The following TRIM67 variants were observed in gnomAD, a reference collection of about 807,000 sequenced individuals.
TRIM67 encodes tripartite motif-containing protein 67.
Under a neutral mutation model 71.0 loss-of-function variants are expected in TRIM67, and 39 were observed. The ratio of observed to expected loss-of-function variants is 0.55; its 90% CI spans 0.43 to 0.72. The LOEUF is 0.72. Among genes scored for constraint, TRIM67 ranks in the 30% least tolerant of loss-of-function variants. The pLI, the probability that TRIM67 is intolerant of heterozygous loss-of-function variation, is 0.00. For synonymous variants in TRIM67, 481 were observed against 473.9 expected (o/e 1.01, Z -0.19); for missense variants, 973 against 1,079.2 (o/e 0.90, Z 1.38).
In TRIM67 at chr1:231,203,916, C is replaced by G. The variant is rs768806641; in HGVS notation, c.1584C>G (p.Asn528Lys). 6 of 1,613,974 alleles carry G rather than the reference C, an allele frequency of 3.7e-6. No individual in the cohort carries two copies. Among genetic ancestry groups the G allele is most frequent in the Non-Finnish European group, 5.1e-6 (6 of 1,179,870 alleles). The change falls in exon 6 of 10, where the codon AAC becomes AAG. Residue 528 changes from asparagine to lysine, a missense_variant. Physicochemically the swap from Asn to Lys is moderately conservative, Grantham distance 94 (BLOSUM62 0). Around this residue, in one of 2 missense-constraint regions of TRIM67, gnomAD observed 795 missense variants for 831.3 expected, o/e 0.96. Transcript: ENST00000366653. The part of the protein sequence containing the change: ...LQLEKCCTRN[N>K]SVTLAWRMPP... ...TGGAGAAATGCTGCACCCGTAACAA[C>G]AGCGTCACGCTGGCCTGGAGGATGC...
At chr1:231,208,909 T>C in intron 7 of TRIM67, 38 bp from the exon 8 acceptor site, 3 of 1,519,762 alleles carry the variant, frequency 2.0e-6, no homozygotes, top group Non-Finnish European at 2.7e-6. Context: ...GCAAATTCCA[T>C]CCCCTGACCC....
intron 1 of TRIM67, among the ~76,000 whole-genome samples, chr1:231,175,363 G>T (rs1017897504): frequency 6.6e-6 from 1 of 152,356 alleles, no homozygotes; most frequent in Non-Finnish European, 1.5e-5. Flanking sequence ...ATCTCAGGAA[G>T]TGTGAGAGGT....
At chr1:231,196,484 G>A (rs574373422) in intron 1 of TRIM67, among the ~76,000 whole-genome samples, 4 of 151,820 alleles carry the variant, frequency 2.6e-5, no homozygotes, top group African/African-American at 9.7e-5. Flanking sequence ...GCTGATTTGG[G>A]AGGATCACTT....
intron 1 of TRIM67, among the ~76,000 whole-genome samples, chr1:231,173,333 G>A (rs1169003954): frequency 6.6e-6 from 1 of 152,200 alleles, no homozygotes; most frequent in African/African-American, 2.4e-5. Context: ...GATTTCTTGA[G>A]GCCAGGGGTT....
Position 231,200,229 on chromosome 1 carries a change from AAGG to A in TRIM67, c.1348_1350del (p.Glu450del), listed in dbSNP as rs1227102974. On this transcript the variant is annotated inframe_deletion, in exon 4 of 10. Coordinates refer to ENST00000366653, the MANE Select transcript of TRIM67 (RefSeq NM_001004342.5). ...GATGGAGTACTGCCTGGAGGTGATC[AAGG>A]AGAACGACCCCTCCGGGTTCTTACA... 1.9e-6 allele frequency: 3 copies of A among 1,613,750 alleles called. No individual in the cohort carries two copies. The Admixed American group carries it at 5.0e-5, about 27-fold the overall frequency.
In TRIM67 at chr1:231,163,382, C is replaced by T. The variant is rs1294584068; in HGVS notation, c.413C>T (p.Ser138Leu). 2 of 1,534,760 alleles carry T rather than the reference C, an allele frequency of 1.3e-6. No individual in the cohort carries two copies. Among genetic ancestry groups the T allele is most frequent in the African/African-American group, 2.8e-5 (2 of 70,824 alleles). ...LPMVPAPPGS[S>L]AAAARGAACS... ...ATGGTGCCCGCACCACCCGGCTCCT[C>T]GGCTGCGGCGGCTCGGGGTGCCGCC... is the stretch of plus-strand genomic sequence containing the variant. Residue 138 changes from serine to leucine, a missense_variant, in exon 1 of 10, where the codon TCG becomes TTG. Transcript: ENST00000366653.
intron 2 of TRIM67, among the ~76,000 whole-genome samples, chr1:231,198,139 C>T (rs1355986108): frequency 6.6e-6 from 1 of 152,140 alleles, no homozygotes; most frequent in Non-Finnish European, 1.5e-5. Flanking sequence ...GCCGAATATG[C>T]CCATGTCATC....
At chr1:231,166,816 C>G (rs1337722555) in intron 1 of TRIM67, among the ~76,000 whole-genome samples, 1 of 152,186 alleles carries the variant, frequency 6.6e-6, no homozygotes, top group African/African-American at 2.4e-5. Context: ...CTTGGCTAAA[C>G]ACATTTCTGT....
intron 9 of TRIM67, among the ~76,000 whole-genome samples, chr1:231,214,847 T>A (rs1683972658): frequency 6.9e-6 from 1 of 144,164 alleles, no homozygotes; most frequent in Non-Finnish European, 1.5e-5. Flanking sequence ...CGCCTGTAAC[T>A]CCAGTACTTT....
chr1:231,200,101 T>C (rs2102748926), intron 3 of TRIM67, 47 bp from the exon 4 acceptor site: 1 of 1,457,636 alleles, frequency 6.9e-7, no homozygotes, highest in Non-Finnish European at 9.6e-7. Flanking sequence ...GGCCTGCCTG[T>C]TCTTCCTCTC....
chr1:231,187,777 C>T (rs994251093), intron 1 of TRIM67: 12 of 576,690 alleles, frequency 2.1e-5, no homozygotes, highest in African/African-American at 7.6e-5. Context: ...CTCTGATCCA[C>T]GCCAGGCACA....
Position 231,176,906 on chromosome 1 carries a change from C to CAAAAAAAAAAAAAAAAAAA in TRIM67, c.1044+12910_1044+12911insAAAAAAAAAAAAAAAAAAA, listed in dbSNP as rs56115614. Among the ~76,000 whole-genome samples, 292 of 74,230 alleles carry CAAAAAAAAAAAAAAAAAAA rather than the reference C, an allele frequency of 3.9e-3. 12 individuals are homozygous for CAAAAAAAAAAAAAAAAAAA. The highest frequency in any genetic ancestry group is 5.7e-3 in the Non-Finnish European group (232 of 40,474). 48.7% of individuals were successfully genotyped at this position (74,230 alleles called of 152,430 possible). The stretch of plus-strand genomic sequence containing the variant: ...TACCCTGTTTGCCAATACAATCTGG[C>CAAAAAAAAAAAAAAAAAAA]AAAAAAAAAAAAAAAAACACCTTTC... On this transcript the variant is annotated intron_variant, in intron 1 of 9. Coordinates refer to ENST00000366653, the MANE Select transcript of TRIM67 (RefSeq NM_001004342.5).
intron 6 of TRIM67, among the ~76,000 whole-genome samples, chr1:231,204,606 C>T (rs973518810): frequency 6.6e-6 from 1 of 152,206 alleles, no homozygotes; most frequent in African/African-American, 2.4e-5. Context: ...CCAACCCAGC[C>T]CTAATAGAGC....
intron 1 of TRIM67, among the ~76,000 whole-genome samples, chr1:231,169,536 G>T (rs138161963): frequency 1.3e-5 from 2 of 151,202 alleles, no homozygotes; most frequent in African/African-American, 4.9e-5. Flanking sequence ...GCACCACCAC[G>T]CCTGGCCAAT....
intron 1 of TRIM67, among the ~76,000 whole-genome samples, chr1:231,182,300 G>A (rs995758198): frequency 3.3e-5 from 5 of 152,184 alleles, no homozygotes; most frequent in Non-Finnish European, 7.3e-5. Flanking sequence ...GAAGGAAGAA[G>A]GAAATGTTCT....
chr1:231,196,637 T>C lies in TRIM67; in HGVS notation c.1045-734T>C, dbSNP rs1275885118. ...AGCTAGGTTTTAAAGACAAATTCAA[T>C]TGTGTGTGTATGTGGTTCGTTACAA... is the stretch of plus-strand genomic sequence containing the variant. On this transcript the variant is annotated intron_variant, in intron 1 of 9. Transcript: ENST00000366653. 2.6e-5 allele frequency among the ~76,000 whole-genome samples: 4 copies of C among 151,990 alleles called. No homozygotes were observed. In the East Asian group the frequency reaches 5.8e-4, roughly 22 times the overall value.
intron 1 of TRIM67, among the ~76,000 whole-genome samples, chr1:231,177,400 C>A (rs955068606): frequency 6.6e-6 from 1 of 152,166 alleles, no homozygotes; most frequent in Non-Finnish European, 1.5e-5. Context: ...GGTTGCCGGG[C>A]GATGAGAACC....
chr1:231,175,145 A>G (rs1682711603), intron 1 of TRIM67, among the ~76,000 whole-genome samples: 1 of 152,234 alleles, frequency 6.6e-6, no homozygotes, highest in African/African-American at 2.4e-5. Context: ...ATGTCACCAC[A>G]CACCATCAGG....
chr1:231,220,043 A>C lies in TRIM67; in HGVS notation c.*4603A>C, dbSNP rs537632885. The C allele has an allele frequency of 1.0e-6, 1 of 975,784 alleles. No individual in the cohort carries two copies. Among genetic ancestry groups the C allele is most frequent in the East Asian group, 6.1e-5 (1 of 16,506 alleles). 60.4% of individuals were successfully genotyped at this position (975,784 alleles called of 1,614,324 possible). ...ATCCCCACCTGAAATGAGACTAGTC[A>C]TACTAACCTACCTCCTCTGATGTAT... On this transcript the variant is annotated 3_prime_UTR_variant, in exon 10 of 10. Coordinates refer to ENST00000366653, the MANE Select transcript of TRIM67 (RefSeq NM_001004342.5).
Sources: allele counts gnomAD v4.1 joint callset (sites outside exome capture counted in the v4.1 genomes callset), GRCh38; gene constraint gnomAD v4.1.1; regional missense constraint gnomAD v4.1.1; transcripts MANE v1.5; gene names NCBI Gene and HGNC (gene_info 2026-07-23, HGNC 2026-07-21).